The following STX8 variants were observed in gnomAD, a reference collection of about 807,000 sequenced individuals.
The protein encoded by STX8 is syntaxin 8, also known as syntaxin-8.
In STX8, 23 loss-of-function variants were observed where a neutral mutation model predicts 37.5. The ratio of observed to expected loss-of-function variants is 0.61; its 90% CI spans 0.44 to 0.87. STX8 has a LOEUF of 0.87. STX8 is among the 40% of genes least tolerant of loss of function. The pLI, the probability that STX8 is intolerant of heterozygous loss-of-function variation, is 0.00. For missense variants in STX8, 313 were observed against 284.7 expected (o/e 1.10, Z -0.71); for synonymous variants, 115 against 99.1 (o/e 1.16, Z -0.95).
intron 6 of STX8, among the ~76,000 whole-genome samples, chr17:9,467,710 C>A (rs759308880): frequency 6.6e-6 from 1 of 152,182 alleles, no homozygotes; most frequent in Non-Finnish European, 1.5e-5. Context: ...GCTGCTTAAT[C>A]CACTCTCCGG....
chr17:9,519,719 G>A lies in STX8; in HGVS notation c.324-14557C>T, dbSNP rs1344821148. Among the ~76,000 whole-genome samples the A allele has an allele frequency of 4.2e-5, 6 of 144,388 alleles. No individual in the cohort carries two copies. In the East Asian group the frequency reaches 8.2e-4, roughly 20 times the overall value. 94.7% of individuals were successfully genotyped at this position (144,388 alleles called of 152,430 possible). A position where few individuals can be genotyped will look rare whatever the true frequency, so the allele number is the denominator to read the frequency against. On this transcript the variant is annotated intron_variant, in intron 4 of 7. Coordinates refer to ENST00000306357, the MANE Select transcript of STX8 (RefSeq NM_004853.3). ...CATCCCCGCTTCCACACCCTACTTCGGCCCTCCAGACTGCTCCCCACCGCT... is the reference window on the plus strand; with the variant it reads ...CATCCCCGCTTCCACACCCTACTTCAGCCCTCCAGACTGCTCCCCACCGCT...
At chr17:9,373,427 C>T (rs1052928270) in intron 7 of STX8, among the ~76,000 whole-genome samples, 2 of 152,136 alleles carry the variant, frequency 1.3e-5, no homozygotes, top group Admixed American at 6.5e-5. Context: ...ATTATTCAGC[C>T]TTACAAAGCA....
chr17:9,279,070 T>G (rs1449167325), intron 7 of STX8, among the ~76,000 whole-genome samples: 3 of 22,832 alleles, frequency 1.3e-4, no homozygotes, highest in Non-Finnish European at 2.7e-4. Context: ...TGTTTTTTGT[T>G]TTTTTTTTTT....
Position 9,477,424 on chromosome 17 carries a change from A to G in STX8, c.541+14405T>C, listed in dbSNP as rs191289724. Among the ~76,000 whole-genome samples the G allele has an allele frequency of 2.6e-5, 4 of 152,306 alleles. No individual in the cohort carries two copies. In the East Asian group the frequency reaches 5.8e-4, roughly 22 times the overall value. On this transcript the variant is annotated intron_variant, in intron 6 of 7. Coordinates refer to ENST00000306357, the MANE Select transcript of STX8 (RefSeq NM_004853.3). The stretch of plus-strand genomic sequence containing the variant: ...AACAAAAGGAGCAAAAACACTCACC[A>G]TTTTTTAAAGTTCTAACTAGTGCCA...
At chr17:9,418,909 CCT>C (rs1204202172) in intron 6 of STX8, among the ~76,000 whole-genome samples, 2 of 147,554 alleles carry the variant, frequency 1.4e-5, no homozygotes, top group Admixed American at 6.8e-5. Context: ...CACACCCCCC[CCT>C]CTTTTTTTTT....
intron 2 of STX8, among the ~76,000 whole-genome samples, chr17:9,564,933 C>T (rs752172569): frequency 2.8e-4 from 42 of 152,322 alleles, no homozygotes; most frequent in South Asian, 1.0e-3. Flanking sequence ...CTGGGCCGGG[C>T]GCAGTGGCTC....
chr17:9,387,795 A>T (rs1912070327), intron 6 of STX8, among the ~76,000 whole-genome samples: 1 of 152,338 alleles, frequency 6.6e-6, no homozygotes, highest in African/African-American at 2.4e-5. Context: ...TGTTACTATA[A>T]GAAAATCAAG....
intron 6 of STX8, among the ~76,000 whole-genome samples, chr17:9,477,734 G>A (rs1906161968): frequency 6.6e-6 from 1 of 152,196 alleles, no homozygotes. Context: ...TTCTAAACTT[G>A]ATTTATTCCA....
chr17:9,463,830 C>T (rs2142424913), intron 6 of STX8, among the ~76,000 whole-genome samples: 1 of 152,138 alleles, frequency 6.6e-6, no homozygotes, highest in African/African-American at 2.4e-5. Flanking sequence ...ATTGCTTGAA[C>T]CCGGGAGGCA....
chr17:9,500,745 G>A (rs759979704), intron 5 of STX8, among the ~76,000 whole-genome samples: 1 of 152,250 alleles, frequency 6.6e-6, no homozygotes, highest in East Asian at 1.9e-4. Flanking sequence ...GCTCACGCCT[G>A]TAATACCAGC....
intron 7 of STX8, among the ~76,000 whole-genome samples, chr17:9,253,907 C>T (rs961332712): frequency 6.6e-6 from 1 of 152,180 alleles, no homozygotes; most frequent in African/African-American, 2.4e-5. Context: ...GGTTTTGGTT[C>T]ATACACCCGG....
chr17:9,340,937 G>A (rs1222525941), intron 7 of STX8, among the ~76,000 whole-genome samples: 5 of 149,210 alleles, frequency 3.4e-5, no homozygotes, highest in East Asian at 1.9e-4. Context: ...GATTACAGGC[G>A]TGGGCCACCG....
intron 7 of STX8, among the ~76,000 whole-genome samples, chr17:9,279,054 G>GTT (rs201339409): frequency 6.6e-5 from 7 of 105,646 alleles, no homozygotes; most frequent in South Asian, 3.3e-4. Context: ...CTGTGTGTGT[G>GTT]TTTTTTGTTT....
chr17:9,396,501 A>C (rs901953957), intron 6 of STX8, among the ~76,000 whole-genome samples: 1 of 152,086 alleles, frequency 6.6e-6, no homozygotes, highest in Non-Finnish European at 1.5e-5. Flanking sequence ...ATCTGAGGTC[A>C]GGAGTTCAAG....
At chr17:9,538,002 T>C (rs1470747584) in intron 4 of STX8, among the ~76,000 whole-genome samples, 1 of 152,250 alleles carries the variant, frequency 6.6e-6, no homozygotes, top group East Asian at 1.9e-4. Context: ...AGTATCAGTG[T>C]ATAGCACATA....
At chr17:9,424,510 A>G (rs1913555029) in intron 6 of STX8, among the ~76,000 whole-genome samples, 1 of 151,990 alleles carries the variant, frequency 6.6e-6, no homozygotes, top group South Asian at 2.1e-4. Flanking sequence ...CCTAAAGTGC[A>G]GCGCCTGGCC....
At chr17:9,263,597 C>A (rs1033560524) in intron 7 of STX8, among the ~76,000 whole-genome samples, 1 of 152,084 alleles carries the variant, frequency 6.6e-6, no homozygotes, top group Non-Finnish European at 1.5e-5. Context: ...CTATTTTATA[C>A]CTTAATTTGT....
chr17:9,429,330 T>G (rs1290833051), intron 6 of STX8, among the ~76,000 whole-genome samples: 1 of 146,152 alleles, frequency 6.8e-6, no homozygotes, highest in Non-Finnish European at 1.5e-5. Flanking sequence ...TATTATATAT[T>G]TTATATACAT....
At chr17:9,252,582 C>T (rs567824905) in intron 7 of STX8, among the ~76,000 whole-genome samples, 1 of 145,740 alleles carries the variant, frequency 6.9e-6, no homozygotes, top group African/African-American at 2.6e-5. Flanking sequence ...GCAATACAGC[C>T]TGTGCAACAA....
Sources: gnomAD v4.1 joint callset for allele counts (sites outside exome capture counted in the v4.1 genomes callset) on GRCh38, gnomAD v4.1.1 for gene constraint, MANE v1.5 for transcripts, NCBI Gene and HGNC (gene_info 2026-07-23, HGNC 2026-07-21) for gene names.